The following MTRR variants were observed in gnomAD, a reference collection of about 807,000 sequenced individuals.
The protein encoded by MTRR is methionine synthase reductase.
A neutral mutation model predicts 79.2 loss-of-function variants in MTRR; 63 were observed. The ratio of observed to expected loss-of-function variants is 0.80; its 90% CI spans 0.65 to 0.98. The LOEUF (loss-of-function observed/expected upper bound fraction) is 0.98. Ranked by LOEUF, MTRR falls within the 50% of genes least tolerant of loss-of-function variation. MTRR has a pLI of 0.00. For synonymous variants in MTRR, 355 were observed against 313.3 expected (o/e 1.13, Z -1.41); for missense variants, 895 against 839.6 (o/e 1.07, Z -0.82).
At chr5:7,883,018 C>G (rs1014320055) in intron 5 of MTRR, 137 bp from the exon 6 acceptor site, 13 of 1,070,910 alleles carry the variant, frequency 1.2e-5, no homozygotes, top group Non-Finnish European at 1.7e-5. Context: ...TATATCTGCC[C>G]TCATTCATTT....
chr5:7,863,913 C>T (rs1746739653), intron 2 of MTRR, among the ~76,000 whole-genome samples: 1 of 152,032 alleles, frequency 6.6e-6, no homozygotes, highest in Admixed American at 6.5e-5. Context: ...TACAATGACG[C>T]GACCTCGGCT....
At chr5:7,862,738 C>A in intron 2 of MTRR, 1 of 1,196,128 alleles carries the variant, frequency 8.4e-7, no homozygotes, top group Non-Finnish European at 1.2e-6. Flanking sequence ...TTCCAGAGAA[C>A]TTCTATTGCT....
At chr5:7,869,912 T>C (rs980229981) in intron 1 of MTRR, 4 of 261,916 alleles carry the variant, frequency 1.5e-5, no homozygotes, top group African/African-American at 2.3e-5. Flanking sequence ...AGATAACTTA[T>C]CGAGTACCAG....
At position 7,892,826 on chromosome 5, in the gene MTRR, A is replaced by C; in HGVS notation, c.1470A>C (p.Thr490=). 1 of 1,614,242 alleles carries C rather than the reference A, an allele frequency of 6.2e-7. No homozygotes were observed. Among genetic ancestry groups the C allele is most frequent in the South Asian group, 1.1e-5 (1 of 91,086 alleles). ...AGGTTCTGCGGAAGGGAGTATGTAC[A>C]GGCTGGCTGGCCTTGTTGGTTGCTT... The part of the protein sequence containing the change: ...TTEVLRKGVC[T]GWLALLVASV... The change falls in exon 11 of 15, where the codon ACA becomes ACC. Residue 490 remains threonine (T), a synonymous_variant. Transcript: ENST00000440940.
At chr5:7,867,187 C>A (rs755486080), upstream of MTRR, 1 of 1,614,138 alleles carries the variant, frequency 6.2e-7, no homozygotes, top group Non-Finnish European at 8.5e-7. Flanking sequence ...GGGCAGTGAG[C>A]ATTTGGCTAA....
chr5:7,891,121 C>T (rs1005523852), intron 9 of MTRR, among the ~76,000 whole-genome samples: 1 of 152,020 alleles, frequency 6.6e-6, no homozygotes, highest in Non-Finnish European at 1.5e-5. Flanking sequence ...TTAAAATTCG[C>T]CTTTGGGTAG....
intron 1 of MTRR, among the ~76,000 whole-genome samples, chr5:7,852,756 C>T (rs1484523044): frequency 6.6e-6 from 1 of 150,978 alleles, no homozygotes; most frequent in African/African-American, 2.4e-5. Flanking sequence ...TTTTTTTAAG[C>T]CCTTATAATC....
intron 1 of MTRR, among the ~76,000 whole-genome samples, chr5:7,856,448 T>C (rs899033420): frequency 6.6e-6 from 1 of 152,190 alleles, no homozygotes; most frequent in African/African-American, 2.4e-5. Context: ...GACCATTCCT[T>C]ACATGACCCT....
rs549653138 is a variant in MTRR at position 7,889,327 on chromosome 5, C to A, written c.1327+52C>A. 19 of 1,604,048 alleles carry A rather than the reference C, an allele frequency of 1.2e-5. No homozygotes were observed. The South Asian group carries it at 2.1e-4, about 18-fold the overall frequency. ...TGGTGGCTGTTCGTGCACTGGTAGGCGGGCCACCTTTCTGTAGTAAAGAAA... is the reference window on the plus strand; with the variant it reads ...TGGTGGCTGTTCGTGCACTGGTAGGAGGGCCACCTTTCTGTAGTAAAGAAA... On this transcript the variant is annotated intron_variant, in intron 9 of 14. Coordinates refer to ENST00000440940, the MANE Select transcript of MTRR (RefSeq NM_002454.3).
chr5:7,888,650 A>G (rs1737017128), intron 8 of MTRR, among the ~76,000 whole-genome samples: 1 of 152,216 alleles, frequency 6.6e-6, no homozygotes, highest in South Asian at 2.1e-4. Flanking sequence ...TCCAGGACAC[A>G]ATCATCTTGA....
intron 8 of MTRR, 38 bp from the exon 9 acceptor site, chr5:7,889,057 A>G (rs1450255299): frequency 3.1e-6 from 5 of 1,613,106 alleles, no homozygotes; most frequent in Non-Finnish European, 4.2e-6. Context: ...CTCTACCCAC[A>G]AATTGTGTCA....
At position 7,883,251 on chromosome 5, in the gene MTRR, A is replaced by G; in HGVS notation, c.877A>G (p.Thr293Ala). Reference protein sequence around the residue: ...QLTTNDAIKTTLLVELDISNT... With the variant: ...QLTTNDAIKTALLVELDISNT... The stretch of plus-strand genomic sequence containing the variant: ...TACTACGAATGATGCCATAAAAACC[A>G]CTCTGCTGGTAGAATTGGACATTTC... The change falls in exon 6 of 15, where the codon ACT becomes GCT. Residue 293 changes from threonine (T) to alanine (A), a missense_variant. Coordinates refer to ENST00000440940, the MANE Select transcript of MTRR (RefSeq NM_002454.3). The G allele has an allele frequency of 6.2e-7, 1 of 1,614,186 alleles. No individual in the cohort carries two copies. Among genetic ancestry groups the G allele is most frequent in the African/African-American group, 1.3e-5 (1 of 75,052 alleles).
In MTRR at chr5:7,883,013, C is replaced by G. The variant is rs1173657888; in HGVS notation, c.781-142C>G. On this transcript the variant is annotated intron_variant, in intron 5 of 14. Transcript: ENST00000440940. ...CTTCTGAAAAGCTAGCTCCATATAT[C>G]TGCCCTCATTCATTTACCTTGGAAA... The G allele has an allele frequency of 3.0e-6, 3 of 994,736 alleles. No individual in the cohort carries two copies. The Admixed American group carries it at 5.8e-5, about 19-fold the overall frequency. The allele number at this position is 994,736 out of a possible 1,614,324, so 61.6% of individuals were successfully genotyped here.
rs1301962986 is a variant in MTRR, at chr5:7,900,439, A to G, written c.*381A>G. On this transcript the variant is annotated 3_prime_UTR_variant, in exon 15 of 15. Coordinates refer to ENST00000440940, the MANE Select transcript of MTRR (RefSeq NM_002454.3). ...TGAGTAGCTCATTCTTGTGACTTAC[A>G]GTGCCAACATTTAAAAAAGTATGAA... 1 of 228,422 alleles carries G rather than the reference A, an allele frequency of 4.4e-6. No homozygotes were observed. The highest frequency in any genetic ancestry group is 8.7e-6 in the Non-Finnish European group (1 of 114,806). The allele number at this position is 228,422 out of a possible 1,614,324, so 14.1% of individuals were successfully genotyped here. A position where few individuals can be genotyped will look rare whatever the true frequency, so the allele number is the denominator to read the frequency against.
intron 2 of MTRR, among the ~76,000 whole-genome samples, chr5:7,871,872 A>G (rs1268332859): frequency 1.3e-5 from 2 of 152,216 alleles, no homozygotes; most frequent in African/African-American, 2.4e-5. Context: ...GTGCCACATG[A>G]TGAAGTATCT....
chr5:7,893,045 T>C (rs944825693), intron 11 of MTRR, 132 bp downstream of exon 11: 1 of 1,095,158 alleles, frequency 9.1e-7, no homozygotes, highest in African/African-American at 1.6e-5. Flanking sequence ...AATTTTAAAA[T>C]CTCTATTGCA....
intron 5 of MTRR, among the ~76,000 whole-genome samples, chr5:7,880,269 T>C (rs957916306): frequency 6.6e-6 from 1 of 152,220 alleles, no homozygotes. Flanking sequence ...TTCAGACTCT[T>C]ATAACAGCAG....
At chr5:7,899,395 G>A (rs754270456) in intron 14 of MTRR, among the ~76,000 whole-genome samples, 9 of 152,144 alleles carry the variant, frequency 5.9e-5, no homozygotes, top group African/African-American at 1.7e-4. Flanking sequence ...GAGGGGTACC[G>A]CCCCCTTCTT....
intron 8 of MTRR, among the ~76,000 whole-genome samples, chr5:7,886,925 A>G (rs1237539224): frequency 1.3e-5 from 2 of 152,154 alleles, no homozygotes; most frequent in Non-Finnish European, 2.9e-5. Context: ...TTCTATTGAA[A>G]TGAGGGCTTA....
Sources: gnomAD v4.1 joint callset for allele counts (sites outside exome capture counted in the v4.1 genomes callset) on GRCh38, gnomAD v4.1.1 for gene constraint, MANE v1.5 for transcripts, NCBI Gene and HGNC (gene_info 2026-07-23, HGNC 2026-07-21) for gene names.